The following EYS variants were observed in gnomAD, a reference collection of about 807,000 sequenced individuals.
EYS encodes the protein EGF-like photoreceptor maintenance factor.
Under a neutral mutation model 282.1 loss-of-function variants are expected in EYS, and 250 were observed. That is an observed-to-expected ratio of 0.89 (90% confidence interval 0.80 to 0.98). EYS has a LOEUF of 0.98. Among genes scored for constraint, EYS ranks in the 50% least tolerant of loss-of-function variants. The probability of loss-of-function intolerance (pLI) is 0.00; values close to 1 mark genes in which losing one functional copy is unlikely to be tolerated. For synonymous variants in EYS, 1,355 were observed against 1,282.9 expected (o/e 1.06, Z -1.20); for missense variants, 4,016 against 3,709.0 (o/e 1.08, Z -2.15).
rs116754091 is a variant in EYS at position 64,340,703 on chromosome 6, C to T, written c.6079-33621G>A. On this transcript the variant is annotated intron_variant, in intron 29 of 42. Coordinates refer to ENST00000503581, the MANE Select transcript of EYS (RefSeq NM_001142800.2). ...GTCCCCAAAAGCAATTGCAACAAAA[C>T]CAAAAACTGATAAGTGAGGCCTAAT... 4.0e-3 allele frequency among the ~76,000 whole-genome samples: 610 copies of T among 151,648 alleles called. 2 individuals are homozygous for T. Among genetic ancestry groups the T allele is most frequent in the African/African-American group, 0.014 (575 of 41,434 alleles).
intron 5 of EYS, among the ~76,000 whole-genome samples, chr6:65,441,312 T>C (rs888125214): frequency 6.6e-6 from 1 of 151,938 alleles, no homozygotes; most frequent in Non-Finnish European, 1.5e-5. Flanking sequence ...GAACTTTTAC[T>C]TTTTAATATT....
intron 18 of EYS, among the ~76,000 whole-genome samples, chr6:64,888,753 C>T (rs1041408703): frequency 1.3e-5 from 2 of 151,948 alleles, no homozygotes; most frequent in Admixed American, 1.3e-4. Flanking sequence ...AATGAATCTG[C>T]TAAATGTCTT....
intron 13 of EYS, among the ~76,000 whole-genome samples, chr6:65,002,229 C>A (rs1771488528): frequency 6.8e-6 from 1 of 147,284 alleles, no homozygotes; most frequent in South Asian, 2.2e-4. Context: ...TCACCAGACA[C>A]CTGTGGGTTT....
intron 36 of EYS, among the ~76,000 whole-genome samples, chr6:63,826,062 A>T (rs1322934047): frequency 6.6e-6 from 1 of 152,228 alleles, no homozygotes; most frequent in Non-Finnish European, 1.5e-5. Flanking sequence ...AATAGAAAAA[A>T]TTCAGGAAAC....
intron 22 of EYS, among the ~76,000 whole-genome samples, chr6:64,720,138 G>T (rs1583077061): frequency 6.6e-6 from 1 of 152,286 alleles, no homozygotes; most frequent in Non-Finnish European, 1.5e-5. Context: ...CACTAAGATA[G>T]AATCTACTTC....
Position 64,903,945 on chromosome 6 carries a change from A to G in EYS, c.2642-1445T>C, listed in dbSNP as rs189669485. Among the ~76,000 whole-genome samples the G allele has an allele frequency of 7.9e-5, 12 of 152,318 alleles. No individual in the cohort carries two copies. The East Asian group carries it at 2.3e-3, about 29-fold the overall frequency. On this transcript the variant is annotated intron_variant, in intron 16 of 42. Coordinates refer to ENST00000503581, the MANE Select transcript of EYS (RefSeq NM_001142800.2). ...TTAATCCAAAAGAAAACAGAAAAAG[A>G]AACAAAGTACAGATACAACAAATAG...
intron 24 of EYS, among the ~76,000 whole-genome samples, chr6:64,601,004 T>A (rs890570823): frequency 3.3e-5 from 5 of 152,082 alleles, no homozygotes; most frequent in Admixed American, 3.3e-4. Flanking sequence ...CAGTTTTTGA[T>A]CTTCATCTTA....
chr6:65,120,320 TA>T (rs1351416159), intron 12 of EYS, among the ~76,000 whole-genome samples: 1 of 151,702 alleles, frequency 6.6e-6, no homozygotes. Flanking sequence ...CACCTTTTTT[TA>T]AAATAGTTTT....
In EYS at chr6:64,023,809, G is replaced by A. The variant is rs568594897; in HGVS notation, c.6726-24626C>T. Among the ~76,000 whole-genome samples, 719 of 152,322 alleles carry A rather than the reference G, an allele frequency of 4.7e-3. 9 individuals are homozygous for A. Among genetic ancestry groups the A allele is most frequent in the Non-Finnish European group, 5.1e-3 (347 of 68,014 alleles). On this transcript the variant is annotated intron_variant, in intron 33 of 42. Coordinates refer to ENST00000503581, the MANE Select transcript of EYS (RefSeq NM_001142800.2). ...CGCGGGTGGGAACTGGGGCTGTGCC[G>A]CGGTGTTTGCGGGCCAGCGCGAGTT...
intron 24 of EYS, among the ~76,000 whole-genome samples, chr6:64,600,408 T>C (rs1766728448): frequency 6.6e-6 from 1 of 152,102 alleles, no homozygotes; most frequent in Admixed American, 6.6e-5. Flanking sequence ...ATTCTGAAGA[T>C]ATCATTTACC....
intron 5 of EYS, among the ~76,000 whole-genome samples, chr6:65,428,493 C>CT (rs1767748685): frequency 6.6e-6 from 1 of 150,570 alleles, no homozygotes; most frequent in Non-Finnish European, 1.5e-5. Context: ...GAAATAGTCA[C>CT]TGTCATTAAA....
chr6:65,685,647 T>G (rs976958785), intron 1 of EYS, among the ~76,000 whole-genome samples: 10 of 152,040 alleles, frequency 6.6e-5, no homozygotes, highest in African/African-American at 2.2e-4. Flanking sequence ...CATATTTGCC[T>G]TAATATTCTC....
chr6:64,538,421 G>A (rs1764595768), intron 26 of EYS, among the ~76,000 whole-genome samples: 1 of 152,012 alleles, frequency 6.6e-6, no homozygotes, highest in South Asian at 2.1e-4. Context: ...TAATTGGTAA[G>A]GTATGCATAT....
At chr6:64,206,491 G>A (rs1582426470) in intron 31 of EYS, among the ~76,000 whole-genome samples, 1 of 152,208 alleles carries the variant, frequency 6.6e-6, no homozygotes, top group Non-Finnish European at 1.5e-5. Context: ...GGCTTTTAAA[G>A]TAATGATTGG....
At chr6:65,194,967 T>C (rs1765730589) in intron 12 of EYS, among the ~76,000 whole-genome samples, 1 of 151,810 alleles carries the variant, frequency 6.6e-6, no homozygotes, top group Non-Finnish European at 1.5e-5. Flanking sequence ...TTTTTCCTAC[T>C]CATTTAATTT....
intron 22 of EYS, among the ~76,000 whole-genome samples, chr6:64,781,382 C>T (rs1773853634): frequency 6.6e-6 from 1 of 151,910 alleles, no homozygotes; most frequent in Non-Finnish European, 1.5e-5. Context: ...CTATGTTTAA[C>T]GATTATTTAT....
intron 8 of EYS, among the ~76,000 whole-genome samples, chr6:65,381,924 A>G (rs1213411444): frequency 6.6e-6 from 1 of 151,968 alleles, no homozygotes; most frequent in Non-Finnish European, 1.5e-5. Context: ...TAAGGTAGGC[A>G]TCAACTGGTT....
chr6:65,097,317 A>G (rs1404640099), intron 12 of EYS, among the ~76,000 whole-genome samples: 1 of 151,012 alleles, frequency 6.6e-6, no homozygotes, highest in Non-Finnish European at 1.5e-5. Context: ...AGCTGTTAGG[A>G]TGGCTATGAT....
intron 33 of EYS, among the ~76,000 whole-genome samples, chr6:64,021,157 G>GA (rs66796703): frequency 0.31 from 45,657 of 145,544 alleles, 7,017 homozygotes; most frequent in Middle Eastern, 0.36. Flanking sequence ...GTTTTCAAGG[G>GA]AAAAAAAAAA....
Sources: gnomAD v4.1 joint callset for allele counts (sites outside exome capture counted in the v4.1 genomes callset) on GRCh38, gnomAD v4.1.1 for gene constraint, MANE v1.5 for transcripts, NCBI Gene and HGNC (gene_info 2026-07-23, HGNC 2026-07-21) for gene names.